Variants in CTIF observed in about 807,000 individuals in gnomAD.
CTIF encodes the protein cap binding complex dependent translation initiation factor, also known as CBP80/20-dependent translation initiation factor.
In CTIF, 21 loss-of-function variants were observed where a neutral mutation model predicts 66.0. The ratio of observed to expected loss-of-function variants is 0.32; its 90% CI spans 0.23 to 0.46. The LOEUF (loss-of-function observed/expected upper bound fraction) is 0.46, where lower values mean the gene tolerates loss of function less well. Ranked by LOEUF, CTIF falls within the 20% of genes least tolerant of loss-of-function variation. The pLI, the probability that CTIF is intolerant of heterozygous loss-of-function variation, is 1.00. For synonymous variants in CTIF, 345 were observed against 326.4 expected, an observed-to-expected ratio of 1.06 and a Z score of -0.62; for missense variants, 739 against 812.7, an observed-to-expected ratio of 0.91 and a Z score of 1.10.
chr18:48,620,076 C>A (rs947551218), intron 2 of CTIF, among the ~76,000 whole-genome samples: 1 of 152,222 alleles, frequency 6.6e-6, no homozygotes, highest in Non-Finnish European at 1.5e-5. Context: ...AGCTTATGTT[C>A]TAGGAGAGAT....
intron 6 of CTIF, among the ~76,000 whole-genome samples, chr18:48,701,077 A>G (rs1300003930): frequency 6.6e-6 from 1 of 152,096 alleles, no homozygotes; most frequent in Non-Finnish European, 1.5e-5. Context: ...TGCTCTCTAG[A>G]GTTCTTGAGG....
intron 10 of CTIF, among the ~76,000 whole-genome samples, chr18:48,842,483 T>C (rs1438375104): frequency 6.6e-6 from 1 of 152,144 alleles, no homozygotes; most frequent in African/African-American, 2.4e-5. Context: ...CCCATTCCTG[T>C]TAGCGCGGAA....
At chr18:48,638,117 A>C (rs187596008) in intron 3 of CTIF, among the ~76,000 whole-genome samples, 66 of 151,938 alleles carry the variant, frequency 4.3e-4, no homozygotes, top group African/African-American at 1.6e-3. Flanking sequence ...CTGACCCCCT[A>C]GCTTTTGGTC....
intron 2 of CTIF, 90 bp from the exon 3 acceptor site, chr18:48,636,524 G>A (rs2090824201): frequency 2.2e-6 from 2 of 911,716 alleles, no homozygotes; most frequent in East Asian, 3.2e-5. Flanking sequence ...ATGCTAATGG[G>A]GAAGGCCAGG....
At chr18:48,802,853 C>G (rs1360330321) in intron 9 of CTIF, among the ~76,000 whole-genome samples, 2 of 152,230 alleles carry the variant, frequency 1.3e-5, no homozygotes, top group Non-Finnish European at 2.9e-5. Context: ...TTGAGGAATT[C>G]CTGCTTGTCC....
At chr18:48,628,914 G>A (rs1310530173) in intron 2 of CTIF, among the ~76,000 whole-genome samples, 1 of 152,136 alleles carries the variant, frequency 6.6e-6, no homozygotes, top group Admixed American at 6.5e-5. Flanking sequence ...CCAGCCTTGG[G>A]TCCCACATCA....
chr18:48,570,170 G>C (rs2089381365), intron 1 of CTIF, among the ~76,000 whole-genome samples: 1 of 152,186 alleles, frequency 6.6e-6, no homozygotes, highest in South Asian at 2.1e-4. Flanking sequence ...CAGAGCTGTG[G>C]AGAGGCTGAA....
chr18:48,862,336 C>T lies in CTIF; in HGVS notation c.*2777C>T, dbSNP rs544107204. ...CGCATGGAAGAGGCGGTCCAGCCAT[C>T]TGATGTTGATCCTGTCTCAGTCTCC... is the stretch of plus-strand genomic sequence containing the variant. On this transcript the variant is annotated 3_prime_UTR_variant, in exon 12 of 12. Transcript: ENST00000256413. The T allele has an allele frequency of 6.6e-6, 1 of 152,500 alleles. No homozygotes were observed. Among genetic ancestry groups the T allele is most frequent in the East Asian group, 1.9e-4 (1 of 5,190 alleles). The allele number at this position is 152,500 out of a possible 1,614,324, so 9.4% of individuals were successfully genotyped here.
intron 7 of CTIF, among the ~76,000 whole-genome samples, chr18:48,749,314 T>G (rs1229409741): frequency 6.6e-6 from 1 of 152,204 alleles, no homozygotes; most frequent in African/African-American, 2.4e-5. Context: ...AGGAAGTCAC[T>G]GAAGGTGGAC....
At chr18:48,811,830 T>C (rs111384035) in intron 9 of CTIF, among the ~76,000 whole-genome samples, 1,926 of 152,324 alleles carry the variant, frequency 0.013, 16 homozygotes, top group Middle Eastern at 0.031. Context: ...CCTGGGTTGC[T>C]CCCACCTCTT....
intron 9 of CTIF, among the ~76,000 whole-genome samples, chr18:48,793,053 C>T (rs545460488): frequency 6.6e-6 from 1 of 152,126 alleles, no homozygotes; most frequent in Admixed American, 6.5e-5. Context: ...AGAGCAGAAG[C>T]TGTGTCTCCA....
intron 7 of CTIF, among the ~76,000 whole-genome samples, chr18:48,742,263 T>C (rs1257226247): frequency 2.6e-5 from 4 of 152,026 alleles, no homozygotes; most frequent in Non-Finnish European, 5.9e-5. Context: ...GGGTGGGAGT[T>C]CCTGCAGGGG....
At chr18:48,737,690 A>T (rs2092516046) in intron 7 of CTIF, among the ~76,000 whole-genome samples, 1 of 152,226 alleles carries the variant, frequency 6.6e-6, no homozygotes, top group African/African-American at 2.4e-5. Flanking sequence ...AGATAGAAAT[A>T]TATATTCCTG....
chr18:48,541,786 T>G (rs548013249), intron 1 of CTIF, among the ~76,000 whole-genome samples: 26 of 152,250 alleles, frequency 1.7e-4, no homozygotes, highest in African/African-American at 5.8e-4. Context: ...CTTGCTAGAA[T>G]AATAATATGT....
At chr18:48,545,634 G>A (rs2088728033) in intron 1 of CTIF, among the ~76,000 whole-genome samples, 1 of 152,120 alleles carries the variant, frequency 6.6e-6, no homozygotes. Context: ...CTGGGGTTGG[G>A]GTGGGAGGGA....
chr18:48,689,590 T>C (rs1318468588), intron 6 of CTIF, among the ~76,000 whole-genome samples: 1 of 152,146 alleles, frequency 6.6e-6, no homozygotes, highest in Non-Finnish European at 1.5e-5. Context: ...CACGAGGTCA[T>C]AGGAGGGCCC....
intron 9 of CTIF, among the ~76,000 whole-genome samples, chr18:48,769,372 G>C (rs562215649): frequency 6.6e-6 from 1 of 152,216 alleles, no homozygotes; most frequent in Non-Finnish European, 1.5e-5. Context: ...CGCTTTCCCC[G>C]TGGGCAGGCT....
chr18:48,599,101 C>T (rs186113179), intron 1 of CTIF, among the ~76,000 whole-genome samples: 394 of 152,246 alleles, frequency 2.6e-3, no homozygotes, highest in African/African-American at 9.1e-3. Context: ...TCCTCTCTGC[C>T]GATCAGCTCA....
rs543909329 is a variant in CTIF, at chr18:48,729,223, A to G, written c.584+17528A>G. ...ACCCCTCTTACCCAGGGGGTCCAGC[A>G]GATAGTTCTGGGAAAAGGAAACTTT... On this transcript the variant is annotated intron_variant, in intron 7 of 11. Transcript: ENST00000256413. Among the ~76,000 whole-genome samples the G allele has an allele frequency of 1.9e-3, 295 of 152,280 alleles. 1 individual carries two copies. The highest frequency in any genetic ancestry group is 3.4e-3 in the Middle Eastern group (1 of 294).
Sources: gnomAD v4.1 joint callset for allele counts (sites outside exome capture counted in the v4.1 genomes callset) on GRCh38, gnomAD v4.1.1 for gene constraint, MANE v1.5 for transcripts, NCBI Gene and HGNC (gene_info 2026-07-23, HGNC 2026-07-21) for gene names.